The following STARD13 variants were observed in gnomAD, a reference collection of about 807,000 sequenced individuals.
STARD13 encodes the protein StAR related lipid transfer domain containing 13, also known as stAR-related lipid transfer protein 13.
STARD13 carries 62 observed loss-of-function variants against 106.4 expected under a neutral mutation model. That is an observed-to-expected ratio of 0.58 (90% CI 0.48 to 0.72). The LOEUF (loss-of-function observed/expected upper bound fraction) is 0.72. STARD13 is among the 30% of genes least tolerant of loss of function. The probability of loss-of-function intolerance (pLI) is 0.00; values close to 1 mark genes in which losing one functional copy is unlikely to be tolerated. For synonymous variants in STARD13, 565 were observed against 553.0 expected (o/e 1.02, Z -0.31); for missense variants, 1,387 against 1,424.0 (o/e 0.97, Z 0.42).
chr13:33,370,100 G>A, the STARD13 span, among the ~76,000 whole-genome samples: 2 of 152,082 alleles, frequency 1.3e-5, no homozygotes, highest in Admixed American at 1.3e-4. Context: ...TCTGTAAAAT[G>A]GGGACAATAA....
the STARD13 span, among the ~76,000 whole-genome samples, chr13:33,402,387 A>G: frequency 6.6e-6 from 1 of 152,258 alleles, no homozygotes; most frequent in African/African-American, 2.4e-5. Context: ...AGCAAGAACT[A>G]CTCAGTATAT....
intron 1 of STARD13, among the ~76,000 whole-genome samples, chr13:33,327,956 T>G (rs532546748): frequency 2.0e-5 from 3 of 152,358 alleles, no homozygotes; most frequent in African/African-American, 4.8e-5. Flanking sequence ...CTTCAAGTGT[T>G]GCTGAGATAA....
chr13:33,609,756 C>G, the STARD13 span, among the ~76,000 whole-genome samples: 1 of 151,844 alleles, frequency 6.6e-6, no homozygotes, highest in Admixed American at 6.6e-5. Flanking sequence ...TTAGTAGAGA[C>G]GTGGTTTCAC....
chr13:33,195,062 C>T (rs948356967), intron 1 of STARD13, among the ~76,000 whole-genome samples: 2 of 152,108 alleles, frequency 1.3e-5, no homozygotes, highest in African/African-American at 4.8e-5. Context: ...ATTTATTTTC[C>T]TTTGTTCTTT....
intron 1 of STARD13, among the ~76,000 whole-genome samples, chr13:33,255,385 T>C (rs1197075571): frequency 6.6e-6 from 1 of 151,936 alleles, no homozygotes; most frequent in African/African-American, 2.4e-5. Context: ...GAAAAATATT[T>C]ATCCAGGCCC....
At chr13:33,292,427 C>CA (rs58278434) in intron 1 of STARD13, among the ~76,000 whole-genome samples, 5,940 of 112,914 alleles carry the variant, frequency 0.053, 336 homozygotes, top group African/African-American at 0.16. Flanking sequence ...CCCATCTCTA[C>CA]AAAAAAAAAA....
intron 9 of STARD13, 123 bp downstream of exon 9, chr13:33,112,598 C>T: frequency 1.3e-6 from 1 of 796,584 alleles, no homozygotes; most frequent in Non-Finnish European, 2.0e-6. Context: ...ACCTATCTAT[C>T]TATAATCTGT....
chr13:33,114,033 C>T (rs983044068), intron 8 of STARD13, among the ~76,000 whole-genome samples: 8 of 152,156 alleles, frequency 5.3e-5, no homozygotes, highest in South Asian at 2.1e-4. Context: ...CTGACAGTCT[C>T]TTGAGGTGTG....
the STARD13 span, among the ~76,000 whole-genome samples, chr13:33,399,947 A>G: frequency 1.3e-5 from 2 of 152,152 alleles, no homozygotes; most frequent in Non-Finnish European, 2.9e-5. Context: ...TTTAACCAGC[A>G]TATAAAAATT....
intron 1 of STARD13, among the ~76,000 whole-genome samples, chr13:33,225,621 G>A (rs527660790): frequency 4.6e-5 from 7 of 152,180 alleles, no homozygotes; most frequent in South Asian, 4.2e-4. Context: ...TTGGATAAGC[G>A]AAGTATCACT....
rs958952925 is a variant in STARD13, at chr13:33,144,514, G to A, written c.324-2141C>T. ...CTATTTCTCAACTTTTTCTCACGTC[G>A]CTCACCGACTGAAATACGTTTAATG... is the stretch of plus-strand genomic sequence containing the variant. On this transcript the variant is annotated intron_variant, in intron 3 of 13. Coordinates refer to ENST00000336934, the MANE Select transcript of STARD13 (RefSeq NM_178006.4). Among the ~76,000 whole-genome samples, 6 of 152,082 alleles carry A rather than the reference G, an allele frequency of 3.9e-5. No homozygotes were observed. The East Asian group carries it at 5.8e-4, about 15-fold the overall frequency.
intron 1 of STARD13, among the ~76,000 whole-genome samples, chr13:33,265,267 C>T (rs1467610057): frequency 6.6e-6 from 1 of 151,824 alleles, no homozygotes; most frequent in Non-Finnish European, 1.5e-5. Flanking sequence ...ATCAGTGGGG[C>T]AGCTGCCTGA....
the STARD13 span, among the ~76,000 whole-genome samples, chr13:33,670,176 C>A: frequency 6.6e-6 from 1 of 152,168 alleles, no homozygotes; most frequent in Non-Finnish European, 1.5e-5. Context: ...CAGGCTGTGA[C>A]TTGCACAGGG....
upstream of STARD13, among the ~76,000 whole-genome samples, chr13:33,353,593 G>A (rs190763916): frequency 4.7e-4 from 72 of 152,328 alleles, no homozygotes; most frequent in African/African-American, 1.6e-3. Context: ...CTGCCTCTCA[G>A]TAGTACCTCC....
the STARD13 span, among the ~76,000 whole-genome samples, chr13:33,644,681 A>G: frequency 1.4e-4 from 22 of 152,182 alleles, no homozygotes; most frequent in African/African-American, 5.1e-4. Flanking sequence ...CCAAGCCTAT[A>G]ATTGACAAAA....
intron 1 of STARD13, among the ~76,000 whole-genome samples, chr13:33,212,890 T>C (rs1477310510): frequency 6.6e-6 from 1 of 152,232 alleles, no homozygotes; most frequent in Non-Finnish European, 1.5e-5. Flanking sequence ...TTTTCACCTT[T>C]TTGTTAGCAA....
the STARD13 span, among the ~76,000 whole-genome samples, chr13:33,429,931 G>A: frequency 7.4e-5 from 11 of 149,476 alleles, no homozygotes; most frequent in East Asian, 1.2e-3. Context: ...TTTTTTTGGG[G>A]GGGGGGGACG....
chr13:33,447,299 C>T, the STARD13 span, among the ~76,000 whole-genome samples: 1 of 152,204 alleles, frequency 6.6e-6, no homozygotes, highest in Admixed American at 6.5e-5. Context: ...CAGGTTCTTC[C>T]ACGAGCTTGT....
the STARD13 span, among the ~76,000 whole-genome samples, chr13:33,558,823 TAA>T: frequency 6.6e-6 from 1 of 151,638 alleles, no homozygotes; most frequent in Non-Finnish European, 1.5e-5. Flanking sequence ...TCTGCTAATA[TAA>T]GGCTACTGCT....
Sources: gnomAD v4.1 joint callset for allele counts (sites outside exome capture counted in the v4.1 genomes callset) on GRCh38, gnomAD v4.1.1 for gene constraint, MANE v1.5 for transcripts, NCBI Gene and HGNC (gene_info 2026-07-23, HGNC 2026-07-21) for gene names.